RAB3B: variants seen among roughly 807,000 people sequenced by gnomAD.
RAB3B encodes ras-related protein Rab-3B.
A neutral mutation model predicts 20.5 loss-of-function variants in RAB3B; 11 were observed. That is an observed-to-expected ratio of 0.54 (90% CI 0.34 to 0.89). RAB3B has a LOEUF of 0.89. Ranked by LOEUF, RAB3B falls within the 40% of genes least tolerant of loss-of-function variation. The pLI, the probability that RAB3B is intolerant of heterozygous loss-of-function variation, is 0.02. For synonymous variants in RAB3B, 99 were observed against 106.3 expected (o/e 0.93, Z 0.42); for missense variants, 225 against 280.9 (o/e 0.80, Z 1.42).
intron 2 of RAB3B, among the ~76,000 whole-genome samples, chr1:51,945,587 G>T (rs1684554010): frequency 6.6e-6 from 1 of 152,180 alleles, no homozygotes; most frequent in African/African-American, 2.4e-5. Flanking sequence ...GAAATGCTTA[G>T]AACAGTTCCT....
intron 1 of RAB3B, among the ~76,000 whole-genome samples, chr1:51,988,277 A>G (rs183751673): frequency 1.3e-5 from 2 of 152,306 alleles, no homozygotes; most frequent in African/African-American, 4.8e-5. Context: ...TTCTAATTCA[A>G]TCTGTCTTTA....
At chr1:51,953,795 C>T (rs1264571495) in intron 2 of RAB3B, among the ~76,000 whole-genome samples, 1 of 152,200 alleles carries the variant, frequency 6.6e-6, no homozygotes, top group East Asian at 1.9e-4. Context: ...AGCAAGACTC[C>T]ATCTTAAAAA....
chr1:51,935,134 C>T (rs531476531), intron 3 of RAB3B, among the ~76,000 whole-genome samples: 32 of 152,276 alleles, frequency 2.1e-4, no homozygotes, highest in African/African-American at 6.3e-4. Flanking sequence ...GATAAATGAA[C>T]GAGCCAGTGA....
At chr1:51,976,116 G>A (rs1685005784) in intron 2 of RAB3B, among the ~76,000 whole-genome samples, 1 of 152,086 alleles carries the variant, frequency 6.6e-6, no homozygotes, top group African/African-American at 2.4e-5. Flanking sequence ...CAGAAACTAT[G>A]AGATAATGAA....
At position 51,909,702 on chromosome 1, in the gene RAB3B, T is replaced by C. The variant is rs1474699806; in HGVS notation, c.*10225A>G. The C allele has an allele frequency of 1.3e-5, 2 of 152,250 alleles. No homozygotes were observed. The highest frequency in any genetic ancestry group is 6.6e-5 in the Admixed American group (1 of 15,264). 9.4% of individuals were successfully genotyped at this position (152,250 alleles called of 1,614,324 possible). A position where few individuals can be genotyped will look rare whatever the true frequency, so the allele number is the denominator to read the frequency against. On this transcript the variant is annotated 3_prime_UTR_variant, in exon 5 of 5. Coordinates refer to ENST00000371655, the MANE Select transcript of RAB3B (RefSeq NM_002867.4). Reference sequence around the variant, plus strand: ...CTGCTCATGGCATTTTCCTGGACTCTCCTCCCTTGGTCCTGACTGGATTCT... The same window carrying C: ...CTGCTCATGGCATTTTCCTGGACTCCCCTCCCTTGGTCCTGACTGGATTCT...
intron 2 of RAB3B, among the ~76,000 whole-genome samples, chr1:51,952,757 TA>T (rs2124278097): frequency 6.6e-6 from 1 of 151,980 alleles, no homozygotes; most frequent in African/African-American, 2.4e-5. Flanking sequence ...ATGGGTAATA[TA>T]ACCTTTTTGT....
chr1:51,974,186 T>C (rs1684977032), intron 2 of RAB3B, among the ~76,000 whole-genome samples: 1 of 152,242 alleles, frequency 6.6e-6, no homozygotes, highest in African/African-American at 2.4e-5. Context: ...TATTCTGTGC[T>C]CTCACATCCC....
intron 1 of RAB3B, chr1:51,980,500 C>A: frequency 1.4e-6 from 1 of 713,150 alleles, no homozygotes; most frequent in South Asian, 1.4e-5. Context: ...GAACAATGGT[C>A]ATGCCAAAAA....
At chr1:51,931,425 G>A (rs891020559) in intron 4 of RAB3B, among the ~76,000 whole-genome samples, 11 of 152,108 alleles carry the variant, frequency 7.2e-5, no homozygotes, top group Non-Finnish European at 1.2e-4. Context: ...TCACTGGATC[G>A]AGCTTATTCA....
chr1:51,921,629 T>C (rs1684173407), intron 4 of RAB3B, among the ~76,000 whole-genome samples: 2 of 152,198 alleles, frequency 1.3e-5, no homozygotes, highest in South Asian at 4.1e-4. Context: ...TTCACCTCTC[T>C]GCTCACTTAA....
intron 2 of RAB3B, among the ~76,000 whole-genome samples, chr1:51,974,074 A>G (rs767456835): frequency 3.9e-5 from 6 of 152,178 alleles, no homozygotes; most frequent in Non-Finnish European, 7.3e-5. Flanking sequence ...TTGACCCCCA[A>G]TCTGCCACCT....
At position 51,908,686 on chromosome 1, in the gene RAB3B, C is replaced by T. The variant is rs1335536914; in HGVS notation, c.*11241G>A. On this transcript the variant is annotated 3_prime_UTR_variant, in exon 5 of 5. Transcript: ENST00000371655. ...CTTCAGCAGGCTTCCTCTTGTTCCCCTCTATCACCCCCAGATAGGTGAAGT... is the reference window on the plus strand; with the variant it reads ...CTTCAGCAGGCTTCCTCTTGTTCCCTTCTATCACCCCCAGATAGGTGAAGT... 6.6e-6 allele frequency: 1 copy of T among 152,144 alleles called. No homozygotes were observed. Among genetic ancestry groups the T allele is most frequent in the East Asian group, 1.9e-4 (1 of 5,152 alleles). The allele number at this position is 152,144 out of a possible 1,614,324, so 9.4% of individuals were successfully genotyped here. A position where few individuals can be genotyped will look rare whatever the true frequency, so the allele number is the denominator to read the frequency against.
At chr1:51,966,176 C>A (rs1684849256) in intron 2 of RAB3B, among the ~76,000 whole-genome samples, 2 of 152,238 alleles carry the variant, frequency 1.3e-5, no homozygotes, top group Non-Finnish European at 2.9e-5. Context: ...AATGTCATTT[C>A]TTCCACCTGT....
intron 1 of RAB3B, among the ~76,000 whole-genome samples, chr1:51,989,418 C>T (rs1202865692): frequency 1.3e-5 from 2 of 151,816 alleles, no homozygotes; most frequent in Non-Finnish European, 2.9e-5. Context: ...CCCCGGTGCC[C>T]GTGTAACAAG....
chr1:51,953,457 C>T (rs1237973736), intron 2 of RAB3B, among the ~76,000 whole-genome samples: 1 of 152,164 alleles, frequency 6.6e-6, no homozygotes, highest in African/African-American at 2.4e-5. Flanking sequence ...AGGCCTTGTG[C>T]TGAGAAATTG....
intron 4 of RAB3B, among the ~76,000 whole-genome samples, chr1:51,927,072 T>A (rs1684254675): frequency 6.6e-6 from 1 of 152,226 alleles, no homozygotes; most frequent in Admixed American, 6.5e-5. Context: ...TCACTGTTAG[T>A]TATTATCAAT....
Position 51,919,005 on chromosome 1 carries a change from C to CGCCCAGG in RAB3B, c.*921_*922insCCTGGGC, listed in dbSNP as rs1684127981. The CGCCCAGG allele has an allele frequency of 7.3e-6, 1 of 137,392 alleles. No individual in the cohort carries two copies. Among genetic ancestry groups the CGCCCAGG allele is most frequent in the Non-Finnish European group, 1.5e-5 (1 of 65,942 alleles). 8.5% of individuals were successfully genotyped at this position (137,392 alleles called of 1,614,324 possible). A position where few individuals can be genotyped will look rare whatever the true frequency, so the allele number is the denominator to read the frequency against. Reference sequence around the variant, plus strand: ...TTTTTTTTTTTTTTTGAGACGGAGTCTCGCTCTGTCGCCCAGGCCGGACTG... The same window carrying CGCCCAGG: ...TTTTTTTTTTTTTTTGAGACGGAGTCGCCCAGGTCGCTCTGTCGCCCAGGCCGGACTG... On this transcript the variant is annotated 3_prime_UTR_variant, in exon 5 of 5. Transcript: ENST00000371655.
At chr1:51,940,912 G>C (rs185142882) in intron 2 of RAB3B, among the ~76,000 whole-genome samples, 1 of 152,062 alleles carries the variant, frequency 6.6e-6, no homozygotes, top group African/African-American at 2.4e-5. Context: ...GTCATGTATT[G>C]GCTCTTAAAA....
intron 2 of RAB3B, among the ~76,000 whole-genome samples, chr1:51,957,911 G>A (rs560542413): frequency 2.6e-5 from 4 of 152,322 alleles, no homozygotes; most frequent in East Asian, 1.9e-4. Context: ...GCAACACACC[G>A]GTGGGGGAGG....
Sources: gnomAD v4.1 joint callset for allele counts (sites outside exome capture counted in the v4.1 genomes callset) on GRCh38, gnomAD v4.1.1 for gene constraint, MANE v1.5 for transcripts, NCBI Gene and HGNC (gene_info 2026-07-23, HGNC 2026-07-21) for gene names.